The following PCDH11X variants were observed in gnomAD, a reference collection of about 807,000 sequenced individuals.
The protein encoded by PCDH11X is protocadherin 11 X-linked, also known as protocadherin-11 X-linked.
Under a neutral mutation model 53.3 loss-of-function variants are expected in PCDH11X, and 18 were observed. The observed-to-expected ratio is 0.34, with a 90% CI of 0.23 to 0.50. The LOEUF (loss-of-function observed/expected upper bound fraction) is 0.50, where lower values mean the gene tolerates loss of function less well. Ranked by LOEUF, PCDH11X falls within the 20% of genes least tolerant of loss-of-function variation. The pLI, the probability that PCDH11X is intolerant of heterozygous loss-of-function variation, is 0.98. For missense variants in PCDH11X, 570 were observed against 1,032.4 expected, an observed-to-expected ratio of 0.55 and a Z score of 6.14; for synonymous variants, 279 against 393.3, an observed-to-expected ratio of 0.71 and a Z score of 3.44.
intron 7 of PCDH11X, among the ~76,000 whole-genome samples, chrX:92,260,571 T>G (rs1250491123): frequency 1.8e-5 from 2 of 110,795 alleles, no homozygotes; most frequent in Non-Finnish European, 3.8e-5. Flanking sequence ...GCACACCTGA[T>G]TTTTGGTTCT....
At chrX:92,270,610 G>C (rs1486611602) in intron 8 of PCDH11X, among the ~76,000 whole-genome samples, 14 of 111,775 alleles carry the variant, frequency 1.3e-4, no homozygotes, top group Non-Finnish European at 9.4e-5. Context: ...TGAAGGCTTT[G>C]ATATTTAAAG....
chrX:92,184,602 C>A (rs2066058054), intron 6 of PCDH11X, among the ~76,000 whole-genome samples: 1 of 111,633 alleles, frequency 9.0e-6, no homozygotes, highest in African/African-American at 3.3e-5. Context: ...GCTATAGTAA[C>A]AAAAACAGTA....
At chrX:92,104,160 G>GGGGA (rs2064323455) in intron 6 of PCDH11X, among the ~76,000 whole-genome samples, 1 of 111,016 alleles carries the variant, frequency 9.0e-6, no homozygotes, top group Admixed American at 9.7e-5. Context: ...TGGGCAGGTG[G>GGGGA]GGGAGTGCTA....
chrX:91,886,800 T>C (rs1260881687), intron 6 of PCDH11X, among the ~76,000 whole-genome samples: 15 of 107,765 alleles, frequency 1.4e-4, no homozygotes, highest in Non-Finnish European at 9.6e-5. Flanking sequence ...TGAAACCCCG[T>C]CTCTACTAAA....
At chrX:92,312,949 T>C (rs1164349958) in intron 8 of PCDH11X, among the ~76,000 whole-genome samples, 1 of 111,376 alleles carries the variant, frequency 9.0e-6, no homozygotes, top group Non-Finnish European at 1.9e-5. Context: ...GTCTAGTACC[T>C]GAAACTATTA....
intron 8 of PCDH11X, among the ~76,000 whole-genome samples, chrX:92,323,520 ACCCCATTTT>A (rs2069259152): frequency 1.9e-5 from 2 of 106,985 alleles, no homozygotes; most frequent in Non-Finnish European, 3.9e-5. Flanking sequence ...CTTGCAATCT[ACCCCATTTT>A]CCTTGACTTT....
At chrX:91,972,132 T>C (rs376645475) in intron 6 of PCDH11X, among the ~76,000 whole-genome samples, 2,884 of 104,790 alleles carry the variant, frequency 0.028, 110 homozygotes, top group African/African-American at 0.095. Flanking sequence ...TTTTTAATGA[T>C]TGCCATTCTA....
chrX:92,058,412 C>T (rs1001968509), intron 6 of PCDH11X, among the ~76,000 whole-genome samples: 3 of 109,878 alleles, frequency 2.7e-5, no homozygotes, highest in Non-Finnish European at 3.8e-5. Flanking sequence ...AAAATAAAAT[C>T]GAATAACAAA....
At chrX:91,906,137 C>A (rs2524586) in intron 6 of PCDH11X, among the ~76,000 whole-genome samples, 2,013 of 111,286 alleles carry the variant, frequency 0.018, 65 homozygotes, top group African/African-American at 0.064. Context: ...TAAAGAAGAC[C>A]TTTTTAGCTT....
chrX:92,154,015 G>A (rs956635579), intron 6 of PCDH11X, among the ~76,000 whole-genome samples: 1 of 111,342 alleles, frequency 9.0e-6, no homozygotes, highest in African/African-American at 3.3e-5. Context: ...AGCCATAAAT[G>A]AGCAGGCTAA....
At chrX:92,032,345 T>C (rs2063064566) in intron 6 of PCDH11X, among the ~76,000 whole-genome samples, 1 of 111,739 alleles carries the variant, frequency 8.9e-6, no homozygotes, top group Non-Finnish European at 1.9e-5. Context: ...CCTGCAATTT[T>C]ACTAAATTTG....
intron 5 of PCDH11X, among the ~76,000 whole-genome samples, chrX:91,840,126 T>A (rs2147629184): frequency 9.0e-6 from 1 of 111,423 alleles, no homozygotes; most frequent in East Asian, 2.8e-4. Flanking sequence ...ACTCAGAATA[T>A]GTATATAAAC....
intron 6 of PCDH11X, among the ~76,000 whole-genome samples, chrX:92,126,973 C>T (rs1339894245): frequency 9.4e-6 from 1 of 105,944 alleles, no homozygotes; most frequent in Non-Finnish European, 1.9e-5. Flanking sequence ...TAATTCAAGA[C>T]AAGTCTTTCC....
At chrX:92,193,447 C>T (rs749317965) in intron 6 of PCDH11X, among the ~76,000 whole-genome samples, 183 of 110,861 alleles carry the variant, frequency 1.7e-3, no homozygotes, top group African/African-American at 5.8e-3. Flanking sequence ...TTTGTAGGGG[C>T]TAGTTAAATC....
intron 10 of PCDH11X, among the ~76,000 whole-genome samples, chrX:92,548,312 C>T (rs939699551): frequency 6.4e-5 from 7 of 110,159 alleles, no homozygotes; most frequent in East Asian, 2.9e-4. Context: ...CTGGGACTAC[C>T]GGCAGGCACC....
intron 5 of PCDH11X, among the ~76,000 whole-genome samples, chrX:91,853,292 A>C (rs2147665030): frequency 9.0e-6 from 1 of 111,205 alleles, no homozygotes; most frequent in South Asian, 3.7e-4. Flanking sequence ...TTTCAATATT[A>C]ATTTTGTTTT....
chrX:92,113,174 C>T, intron 6 of PCDH11X: 2 of 1,061,953 alleles, frequency 1.9e-6, no homozygotes, highest in Non-Finnish European at 2.5e-6. Flanking sequence ...CCCTTCCTTC[C>T]CCTCTCCTGC....
Position 92,272,777 on chromosome X carries a change from G to A in PCDH11X, c.3144+9634G>A, listed in dbSNP as rs188524851. ...TGTGTCAAATCTAGTGCTTGGTGAT[G>A]AAGGTATCTAAAGGAATTGAGGTAG... On this transcript the variant is annotated intron_variant, in intron 8 of 10. Coordinates refer to ENST00000682573, the MANE Select transcript of PCDH11X (RefSeq NM_032968.5). Among the ~76,000 whole-genome samples, 636 of 112,231 alleles carry A rather than the reference G, an allele frequency of 5.7e-3. 5 individuals carry two copies. The highest frequency in any genetic ancestry group is 0.02 in the African/African-American group (604 of 30,910).
intron 6 of PCDH11X, among the ~76,000 whole-genome samples, chrX:91,958,518 A>G (rs113578731): frequency 0.011 from 1,238 of 110,435 alleles, 28 homozygotes; most frequent in African/African-American, 0.039. Flanking sequence ...AAGATCCATG[A>G]GAGAAGTGCG....
Sources: gnomAD v4.1 joint callset for allele counts (sites outside exome capture counted in the v4.1 genomes callset) on GRCh38, gnomAD v4.1.1 for gene constraint, MANE v1.5 for transcripts, NCBI Gene and HGNC (gene_info 2026-07-23, HGNC 2026-07-21) for gene names.